SH3PXD2A: variants seen among roughly 807,000 people sequenced by gnomAD.
SH3PXD2A encodes the protein SH3 and PX domain-containing protein 2A.
A neutral mutation model predicts 115.2 loss-of-function variants in SH3PXD2A; 32 were observed. That is an observed-to-expected ratio of 0.28 (90% CI 0.21 to 0.37). The LOEUF is 0.37. Among genes scored for constraint, SH3PXD2A ranks in the 10% least tolerant of loss-of-function variants. SH3PXD2A has a pLI of 1.00. For synonymous variants in SH3PXD2A, 610 were observed against 629.1 expected, an observed-to-expected ratio of 0.97 and a Z score of 0.45; for missense variants, 1,328 against 1,498.7, an observed-to-expected ratio of 0.89 and a Z score of 1.88.
intron 8 of SH3PXD2A, among the ~76,000 whole-genome samples, chr10:103,631,623 C>T (rs531882671): frequency 6.6e-6 from 1 of 152,320 alleles, no homozygotes; most frequent in South Asian, 2.1e-4. Flanking sequence ...CAACCAGGCA[C>T]CTGCTGCCAC....
rs145155335 is a variant in SH3PXD2A, at chr10:103,620,518, C to T, written c.802+1952G>A. 9.7e-4 allele frequency among the ~76,000 whole-genome samples: 147 copies of T among 152,268 alleles called. 2 individuals are homozygous for T. The highest frequency in any genetic ancestry group is 2.9e-3 in the African/African-American group (121 of 41,568). On this transcript the variant is annotated intron_variant, in intron 10 of 14. Coordinates refer to ENST00000369774, the MANE Select transcript of SH3PXD2A (RefSeq NM_001394015.1). This position sits in a 1 kb window ranked among gnomAD's most constrained non-coding sequence, Gnocchi z 5.3. Reference sequence around the variant, plus strand: ...CCAAGGGCCTGGCTGGCTGAGGGAACGGGGAGCGGAGGCCGTGGGGAAGCT... The same window carrying T: ...CCAAGGGCCTGGCTGGCTGAGGGAATGGGGAGCGGAGGCCGTGGGGAAGCT...
intron 12 of SH3PXD2A, among the ~76,000 whole-genome samples, chr10:103,612,500 T>C (rs2036443700): frequency 6.6e-6 from 1 of 152,222 alleles, no homozygotes; most frequent in Non-Finnish European, 1.5e-5. Flanking sequence ...CTATCTTGAT[T>C]TATAAAGCCT....
intron 2 of SH3PXD2A, among the ~76,000 whole-genome samples, chr10:103,773,429 TCTTTTC>T (rs1044400387): frequency 1.4e-5 from 2 of 146,284 alleles, no homozygotes; most frequent in African/African-American, 5.1e-5. Context: ...GTTTTTCTTC[TCTTTTC>T]TTTCTTTCTT....
At chr10:103,604,661 A>T (rs901215612) in intron 14 of SH3PXD2A, among the ~76,000 whole-genome samples, 1 of 152,148 alleles carries the variant, frequency 6.6e-6, no homozygotes, top group Non-Finnish European at 1.5e-5. Flanking sequence ...AAAGGTGAAG[A>T]ATGCAAAGGC....
At chr10:103,636,233 C>T (rs2036861659) in intron 8 of SH3PXD2A, among the ~76,000 whole-genome samples, 1 of 152,006 alleles carries the variant, frequency 6.6e-6, no homozygotes, top group Admixed American at 6.6e-5. Context: ...ATAGTGAAAC[C>T]CCGTCTCTAC....
intron 2 of SH3PXD2A, among the ~76,000 whole-genome samples, chr10:103,769,188 G>A (rs1007778684): frequency 1.1e-4 from 16 of 148,840 alleles, no homozygotes; most frequent in Admixed American, 2.6e-4. Context: ...GTGTGCGCGC[G>A]CGCGCGCATT....
chr10:103,811,060 G>T (rs1267224731), intron 1 of SH3PXD2A, among the ~76,000 whole-genome samples: 1 of 152,134 alleles, frequency 6.6e-6, no homozygotes, highest in Non-Finnish European at 1.5e-5. Context: ...TGCTGCCCAG[G>T]GCTGGGAAAA....
chr10:103,853,625 A>G (rs61861137), intron 1 of SH3PXD2A, among the ~76,000 whole-genome samples: 32,398 of 152,178 alleles, frequency 0.21, 3,899 homozygotes, highest in South Asian at 0.27. Flanking sequence ...GTTTGTTACC[A>G]GTGTGTCCTG....
At chr10:103,632,724 C>A (rs2036798973) in intron 8 of SH3PXD2A, among the ~76,000 whole-genome samples, 1 of 152,160 alleles carries the variant, frequency 6.6e-6, no homozygotes, top group Admixed American at 6.5e-5. Flanking sequence ...ACCTGTAATC[C>A]CAACACTTTG....
At chr10:103,745,140 C>T (rs55908597) in intron 3 of SH3PXD2A, among the ~76,000 whole-genome samples, 1 of 152,218 alleles carries the variant, frequency 6.6e-6, no homozygotes. Flanking sequence ...TGCCAAGCCC[C>T]AAGCTGCTAG....
At chr10:103,724,877 C>T (rs998590733) in intron 4 of SH3PXD2A, among the ~76,000 whole-genome samples, 1 of 152,186 alleles carries the variant, frequency 6.6e-6, no homozygotes, top group African/African-American at 2.4e-5. Flanking sequence ...GAGGGAATTC[C>T]CTTCTGCACA....
intron 8 of SH3PXD2A, among the ~76,000 whole-genome samples, chr10:103,653,192 GT>G (rs1215077073): frequency 1.3e-5 from 2 of 152,214 alleles, no homozygotes; most frequent in Non-Finnish European, 2.9e-5. Context: ...TGAGGGCTTT[GT>G]TGGCCTCTGT....
intron 3 of SH3PXD2A, chr10:103,754,642 GTGGTTGGGACCTGAGCATCCTCC>G (rs1054172523): frequency 6.6e-6 from 1 of 152,184 alleles, no homozygotes; most frequent in African/African-American, 2.4e-5. Context: ...ATGAGGGCGT[GTGGTTGGGACCTGAGCATCCTCC>G]TGGTTGGGCT....
rs2036216073 is a variant in SH3PXD2A at position 103,601,675 on chromosome 10, G to A, written c.*141C>T. 3.7e-6 allele frequency: 2 copies of A among 539,248 alleles called. No homozygotes were observed. The highest frequency in any genetic ancestry group is 6.7e-6 in the Non-Finnish European group (2 of 296,698). 33.4% of individuals were successfully genotyped at this position (539,248 alleles called of 1,614,324 possible). A position where few individuals can be genotyped will look rare whatever the true frequency, so the allele number is the denominator to read the frequency against. On this transcript the variant is annotated 3_prime_UTR_variant, in exon 15 of 15. Coordinates refer to ENST00000369774, the MANE Select transcript of SH3PXD2A (RefSeq NM_001394015.1). ...TGGCTTGGACAGGGGGCATCTTTGA[G>A]GTCACCCATTCTGCAGTGTTGAATG...
At chr10:103,771,578 A>G (rs1194996669) in intron 2 of SH3PXD2A, among the ~76,000 whole-genome samples, 1 of 152,040 alleles carries the variant, frequency 6.6e-6, no homozygotes, top group Non-Finnish European at 1.5e-5. Flanking sequence ...CCCCATCTCT[A>G]CTAAAAAAAA....
intron 6 of SH3PXD2A, among the ~76,000 whole-genome samples, chr10:103,668,986 G>A (rs943826174): frequency 6.6e-6 from 1 of 152,238 alleles, no homozygotes; most frequent in Non-Finnish European, 1.5e-5. Context: ...AAGGCAGCCT[G>A]ACCCTTCCTT....
In SH3PXD2A at chr10:103,801,453, T is replaced by C. The variant is rs1589460596; in HGVS notation, c.73-91A>G. On this transcript the variant is annotated intron_variant, in intron 1 of 14. Transcript: ENST00000369774. ...GTAACATGACTGCAGGTGTTCCATA[T>C]GGCAGGACCACTCTTTTACTCATCT... The C allele has an allele frequency of 2.0e-5, 15 of 768,992 alleles. No homozygotes were observed. The South Asian group carries it at 2.2e-4, about 11-fold the overall frequency. The allele number at this position is 768,992 out of a possible 1,614,324, so 47.6% of individuals were successfully genotyped here. A position where few individuals can be genotyped will look rare whatever the true frequency, so the allele number is the denominator to read the frequency against.
intron 1 of SH3PXD2A, among the ~76,000 whole-genome samples, chr10:103,809,395 G>C (rs1197198681): frequency 6.6e-6 from 1 of 152,196 alleles, no homozygotes; most frequent in East Asian, 1.9e-4. Context: ...CTGGGAGTTG[G>C]AGGGGGTATA....
intron 4 of SH3PXD2A, among the ~76,000 whole-genome samples, chr10:103,733,619 A>G (rs2038348326): frequency 2.0e-5 from 3 of 152,226 alleles, no homozygotes; most frequent in African/African-American, 7.2e-5. Context: ...CTTTTAAAAT[A>G]AGGCAGAACA....
Sources: gnomAD v4.1 joint callset for allele counts (sites outside exome capture counted in the v4.1 genomes callset) on GRCh38, gnomAD v4.1.1 for gene constraint, Gnocchi (gnomAD v3.1) non-coding constraint, MANE v1.5 for transcripts, NCBI Gene and HGNC (gene_info 2026-07-23, HGNC 2026-07-21) for gene names.